Variants in ASAP1 observed in about 807,000 individuals in gnomAD.
ASAP1 encodes arf-GAP with SH3 domain, ANK repeat and PH domain-containing protein 1.
A neutral mutation model predicts 145.2 loss-of-function variants in ASAP1; 43 were observed. That is an observed-to-expected ratio of 0.30 (90% CI 0.23 to 0.38). The LOEUF is 0.38. ASAP1 is among the 10% of genes least tolerant of loss of function. ASAP1 has a pLI of 1.00. For synonymous variants in ASAP1, 546 were observed against 515.5 expected (o/e 1.06, Z -0.80); for missense variants, 1,018 against 1,355.3 (o/e 0.75, Z 3.91).
At chr8:130,372,999 GAC>G (rs1827286925) in intron 2 of ASAP1, among the ~76,000 whole-genome samples, 1 of 144,204 alleles carries the variant, frequency 6.9e-6, no homozygotes, top group Non-Finnish European at 1.5e-5. Context: ...GACATACACA[GAC>G]ACAGACACAC....
chr8:130,131,502 G>C (rs1029109816), intron 15 of ASAP1, among the ~76,000 whole-genome samples: 1 of 148,460 alleles, frequency 6.7e-6, no homozygotes, highest in Non-Finnish European at 1.5e-5. Context: ...TATAGCTCAC[G>C]CCTGTAATCC....
At chr8:130,217,537 T>TACGTACACACACACACAC (rs71572333) in intron 4 of ASAP1, among the ~76,000 whole-genome samples, 6 of 148,880 alleles carry the variant, frequency 4.0e-5, no homozygotes, top group Non-Finnish European at 8.9e-5. Flanking sequence ...TGTATATATG[T>TACGTACACACACACACAC]ACACACACAC....
At chr8:130,264,928 A>G (rs1050093625) in intron 3 of ASAP1, among the ~76,000 whole-genome samples, 1 of 152,218 alleles carries the variant, frequency 6.6e-6, no homozygotes, top group Non-Finnish European at 1.5e-5. Context: ...AATCAAAGGA[A>G]AAGAAAAACA....
chr8:130,119,320 C>T (rs1050077024), intron 18 of ASAP1, among the ~76,000 whole-genome samples: 1 of 152,186 alleles, frequency 6.6e-6, no homozygotes, highest in African/African-American at 2.4e-5. Context: ...CCAGGCCAGG[C>T]ATTGAGCTCC....
chr8:130,091,322 G>A (rs921583534), intron 25 of ASAP1, among the ~76,000 whole-genome samples: 4 of 152,148 alleles, frequency 2.6e-5, no homozygotes, highest in Non-Finnish European at 5.9e-5. Flanking sequence ...GTTGGAGGGC[G>A]GGGGAGATAG....
intron 27 of ASAP1, among the ~76,000 whole-genome samples, chr8:130,070,862 A>AGAGG (rs1457111503): frequency 2.5e-4 from 1 of 4,046 alleles, no homozygotes; most frequent in Non-Finnish European, 4.0e-4. Context: ...AGAGAGGGAG[A>AGAGG]GAGGGAGAGA....
At chr8:130,242,989 A>G (rs1565127712) in intron 3 of ASAP1, among the ~76,000 whole-genome samples, 2 of 152,194 alleles carry the variant, frequency 1.3e-5, no homozygotes, top group South Asian at 2.1e-4. Flanking sequence ...ATGATCATCA[A>G]ACTTGGGTTT....
intron 24 of ASAP1, among the ~76,000 whole-genome samples, chr8:130,093,491 ACT>A (rs2097510067): frequency 6.6e-6 from 1 of 151,912 alleles, no homozygotes; most frequent in African/African-American, 2.4e-5. Flanking sequence ...ACATGGTGAA[ACT>A]CTGTCTCTAC....
rs199708236 is a variant in ASAP1 at position 130,116,825 on chromosome 8, T to C, written c.1996+55A>G. On this transcript the variant is annotated intron_variant, in intron 21 of 29. Coordinates refer to ENST00000518721, the MANE Select transcript of ASAP1 (RefSeq NM_018482.4). ...GCAAGGAACAATAATCAAATTACAA[T>C]GTACCATGCAACACACGCTTACTAC... 1.1e-5 allele frequency: 18 copies of C among 1,576,476 alleles called. 1 individual carries two copies. In the South Asian group the frequency reaches 1.8e-4, roughly 16 times the overall value.
At chr8:130,183,699 A>G (rs1814525876) in intron 7 of ASAP1, among the ~76,000 whole-genome samples, 1 of 152,178 alleles carries the variant, frequency 6.6e-6, no homozygotes, top group African/African-American at 2.4e-5. Flanking sequence ...ATGATTTATA[A>G]CTATCACTTT....
rs556808214 is a variant in ASAP1, at chr8:130,400,756, G to A, written c.59+1129C>T. 2.1e-3 allele frequency among the ~76,000 whole-genome samples: 301 copies of A among 145,560 alleles called. 4 individuals are homozygous for A. Among genetic ancestry groups the A allele is most frequent in the Non-Finnish European group, 2.7e-3 (180 of 67,390 alleles). ...CAGTGAGCCGAGATAGCGCCACTGC[G>A]CTCCAGCCTGGGCAACAGAGCCAGA... On this transcript the variant is annotated intron_variant, in intron 2 of 29. Coordinates refer to ENST00000518721, the MANE Select transcript of ASAP1 (RefSeq NM_018482.4).
At chr8:130,191,798 A>G (rs950928343) in intron 5 of ASAP1, among the ~76,000 whole-genome samples, 2 of 152,168 alleles carry the variant, frequency 1.3e-5, no homozygotes, top group Admixed American at 1.3e-4. Context: ...ACATGTTTAT[A>G]TTTTAAATGC....
chr8:130,160,655 A>C lies in ASAP1; in HGVS notation c.910-691T>G, dbSNP rs1022249486. On this transcript the variant is annotated intron_variant, in intron 11 of 29. Coordinates refer to ENST00000518721, the MANE Select transcript of ASAP1 (RefSeq NM_018482.4). ...TTTAACCATAGTTTCTAAGGACTACATGACTAGAAACAGCCATTACATTAC... is the reference window on the plus strand; with the variant it reads ...TTTAACCATAGTTTCTAAGGACTACCTGACTAGAAACAGCCATTACATTAC... 6.7e-6 allele frequency: 3 copies of C among 444,598 alleles called. No individual in the cohort carries two copies. The Admixed American group carries it at 1.3e-4, about 19-fold the overall frequency. The allele number at this position is 444,598 out of a possible 1,614,324, so 27.5% of individuals were successfully genotyped here.
chr8:130,296,347 A>G (rs1047931697), intron 3 of ASAP1, among the ~76,000 whole-genome samples: 1 of 152,182 alleles, frequency 6.6e-6, no homozygotes, highest in African/African-American at 2.4e-5. Flanking sequence ...GAGTCACCTC[A>G]GCTCCACGAA....
chr8:130,294,568 AATGAG>A (rs1468568171), intron 3 of ASAP1, among the ~76,000 whole-genome samples: 1 of 152,252 alleles, frequency 6.6e-6, no homozygotes, highest in East Asian at 1.9e-4. Context: ...CAGAAAGATG[AATGAG>A]ATAATACATC....
Position 130,096,371 on chromosome 8 carries a change from C to G in ASAP1, c.2402-4228G>C, listed in dbSNP as rs150006754. ...AAATAAAATGGAACACAGCATCAAA[C>G]GCAACACAAAAAAGGGTGGGGAGGC... On this transcript the variant is annotated intron_variant, in intron 24 of 29. Transcript: ENST00000518721. Among the ~76,000 whole-genome samples, 65 of 152,132 alleles carry G rather than the reference C, an allele frequency of 4.3e-4. 2 individuals are homozygous for G. Among genetic ancestry groups the G allele is most frequent in the African/African-American group, 1.6e-3 (65 of 41,504 alleles).
intron 3 of ASAP1, among the ~76,000 whole-genome samples, chr8:130,341,110 ACAAG>A (rs1253431587): frequency 3.9e-5 from 6 of 152,106 alleles, no homozygotes; most frequent in Admixed American, 3.3e-4. Flanking sequence ...AAGTCTAGTG[ACAAG>A]ATGCATTACA....
chr8:130,360,406 T>C (rs1019137849), intron 2 of ASAP1, among the ~76,000 whole-genome samples: 4 of 152,140 alleles, frequency 2.6e-5, no homozygotes, highest in African/African-American at 9.7e-5. Flanking sequence ...TCACTGATGA[T>C]GGAAGAGAAA....
At chr8:130,062,764 T>C (rs1368887141) in intron 27 of ASAP1, among the ~76,000 whole-genome samples, 1 of 152,180 alleles carries the variant, frequency 6.6e-6, no homozygotes, top group Admixed American at 6.5e-5. Context: ...ACAGTACTGC[T>C]TATAACGAAA....
Sources: allele counts gnomAD v4.1 joint callset (sites outside exome capture counted in the v4.1 genomes callset), GRCh38; gene constraint gnomAD v4.1.1; transcripts MANE v1.5; gene names NCBI Gene and HGNC (gene_info 2026-07-23, HGNC 2026-07-21).